Variants in SHISA9 observed in about 807,000 individuals in gnomAD.
SHISA9 encodes protein shisa-9.
SHISA9 carries 13 observed loss-of-function variants against 38.0 expected under a neutral mutation model. That is an observed-to-expected ratio of 0.34 (90% CI 0.22 to 0.54). The LOEUF is 0.54. Ranked by LOEUF, SHISA9 falls within the 20% of genes least tolerant of loss-of-function variation. The pLI, the probability that SHISA9 is intolerant of heterozygous loss-of-function variation, is 0.91. For missense variants in SHISA9, 538 were observed against 575.8 expected (o/e 0.93, Z 0.67); for synonymous variants, 275 against 242.0 (o/e 1.14, Z -1.27).
chr16:13,243,342 G>A (rs906388810), downstream of SHISA9, among the ~76,000 whole-genome samples: 1 of 152,152 alleles, frequency 6.6e-6, no homozygotes, highest in Non-Finnish European at 1.5e-5. Context: ...GGGTGGTTGG[G>A]GTGTACCTTG....
chr16:13,064,784 C>CAAAAAAAAAAAAAAAAAAAAAAA (rs72435637), intron 2 of SHISA9, among the ~76,000 whole-genome samples: 1 of 82,376 alleles, frequency 1.2e-5, no homozygotes, highest in African/African-American at 3.7e-5. Flanking sequence ...AGTTGTAAGG[C>CAAAAAAAAAAAAAAAAAAAAAAA]AAAAAAAAAA....
the SHISA9 span, among the ~76,000 whole-genome samples, chr16:13,284,419 T>G: frequency 6.6e-6 from 1 of 152,166 alleles, no homozygotes; most frequent in African/African-American, 2.4e-5. Flanking sequence ...TGAATTCAGA[T>G]AGTATCTTTA....
chr16:13,041,485 C>T (rs1318467269), intron 2 of SHISA9, among the ~76,000 whole-genome samples: 1 of 152,196 alleles, frequency 6.6e-6, no homozygotes, highest in African/African-American at 2.4e-5. Context: ...AGCCACGTAT[C>T]CCCTGATATG....
chr16:12,996,340 C>T (rs994782352), intron 2 of SHISA9, among the ~76,000 whole-genome samples: 8 of 152,062 alleles, frequency 5.3e-5, no homozygotes, highest in South Asian at 2.1e-4. Context: ...CATTTTCCCA[C>T]GTAGCAACCA....
chr16:13,139,126 G>T (rs2050375299), intron 2 of SHISA9, among the ~76,000 whole-genome samples: 1 of 152,086 alleles, frequency 6.6e-6, no homozygotes, highest in Non-Finnish European at 1.5e-5. Context: ...TTTTCTCATT[G>T]CAGGGTTGGG....
the SHISA9 span, among the ~76,000 whole-genome samples, chr16:13,525,732 A>G: frequency 4.4e-3 from 676 of 152,370 alleles, 8 homozygotes; most frequent in African/African-American, 0.016. Flanking sequence ...TTTCCCTAAT[A>G]TGCATTAAAA....
the SHISA9 span, among the ~76,000 whole-genome samples, chr16:13,469,374 A>G: frequency 2.6e-5 from 2 of 77,980 alleles, no homozygotes; most frequent in Admixed American, 1.3e-4. Context: ...AAAAAGAAAG[A>G]AAGAAAGAAA....
At chr16:13,134,580 T>C (rs1422831540) in intron 2 of SHISA9, among the ~76,000 whole-genome samples, 1 of 152,070 alleles carries the variant, frequency 6.6e-6, no homozygotes, top group Non-Finnish European at 1.5e-5. Context: ...ATGGGTTTGA[T>C]GTGGCCGGAG....
At chr16:13,004,698 G>T (rs1260348123) in intron 2 of SHISA9, among the ~76,000 whole-genome samples, 1 of 151,922 alleles carries the variant, frequency 6.6e-6, no homozygotes, top group East Asian at 1.9e-4. Context: ...GCCAAGGTGG[G>T]CAGATCACCT....
the SHISA9 span, among the ~76,000 whole-genome samples, chr16:13,497,843 G>C: frequency 6.6e-6 from 1 of 151,984 alleles, no homozygotes. Flanking sequence ...ATGGTGCTGG[G>C]ACAATTAATT....
intron 2 of SHISA9, among the ~76,000 whole-genome samples, chr16:13,114,900 C>CTCCATCCATCCATCCATCCA (rs3075115): frequency 1.0e-4 from 15 of 149,786 alleles, no homozygotes; most frequent in Non-Finnish European, 2.1e-4. Context: ...TTACATCTAA[C>CTCCATCCATCCATCCATCCA]TCCATCCATC....
chr16:13,322,737 G>A, the SHISA9 span, among the ~76,000 whole-genome samples: 11 of 152,278 alleles, frequency 7.2e-5, no homozygotes, highest in South Asian at 2.3e-3. Flanking sequence ...GTTTAGAGAA[G>A]GGATGAAATT....
At chr16:13,323,281 C>T in the SHISA9 span, among the ~76,000 whole-genome samples, 1 of 152,274 alleles carries the variant, frequency 6.6e-6, no homozygotes, top group Admixed American at 6.5e-5. Context: ...GGTCTCATGG[C>T]CAGCAGTCAG....
chr16:13,321,148 A>G, the SHISA9 span, among the ~76,000 whole-genome samples: 4 of 152,306 alleles, frequency 2.6e-5, no homozygotes, highest in South Asian at 6.2e-4. Flanking sequence ...GAAATCCACA[A>G]TGAAGTTTCT....
intron 2 of SHISA9, among the ~76,000 whole-genome samples, chr16:13,055,811 C>A (rs565400901): frequency 6.6e-6 from 1 of 152,184 alleles, no homozygotes; most frequent in Non-Finnish European, 1.5e-5. Flanking sequence ...ATTACTCAAC[C>A]GAGATGTATT....
At chr16:12,962,041 G>T (rs946098357) in intron 2 of SHISA9, among the ~76,000 whole-genome samples, 3 of 152,230 alleles carry the variant, frequency 2.0e-5, no homozygotes, top group Non-Finnish European at 2.9e-5. Context: ...GAGGTCTCTG[G>T]CATGGCTGGA....
intron 4 of SHISA9, among the ~76,000 whole-genome samples, chr16:13,218,587 G>A (rs1050956377): frequency 6.6e-6 from 1 of 152,190 alleles, no homozygotes; most frequent in Non-Finnish European, 1.5e-5. Context: ...TAATTTGTCA[G>A]CCAAATTATT....
chr16:13,302,940 G>A, the SHISA9 span, among the ~76,000 whole-genome samples: 1 of 152,134 alleles, frequency 6.6e-6, no homozygotes, highest in African/African-American at 2.4e-5. Context: ...CTGTTGCCGT[G>A]TAAGACGTGT....
chr16:13,149,208 G>A (rs898531789), intron 2 of SHISA9, among the ~76,000 whole-genome samples: 1 of 152,168 alleles, frequency 6.6e-6, no homozygotes, highest in Non-Finnish European at 1.5e-5. Flanking sequence ...CTTGCCATAT[G>A]CTCCTTCTGA....
Sources: allele counts gnomAD v4.1 joint callset (sites outside exome capture counted in the v4.1 genomes callset), GRCh38; gene constraint gnomAD v4.1.1; transcripts MANE v1.5; gene names NCBI Gene and HGNC (gene_info 2026-07-23, HGNC 2026-07-21).